Variants in PRSS12 observed in about 807,000 individuals in gnomAD.
PRSS12 encodes the protein serine protease 12.
Under a neutral mutation model 104.4 loss-of-function variants are expected in PRSS12, and 85 were observed. The ratio of observed to expected loss-of-function variants is 0.81; its 90% confidence interval spans 0.68 to 0.98. The LOEUF is 0.98. Among genes scored for constraint, PRSS12 ranks in the 50% least tolerant of loss-of-function variants. PRSS12 has a pLI of 0.00. For synonymous variants in PRSS12, 454 were observed against 425.2 expected, an observed-to-expected ratio of 1.07 and a Z score of -0.83; for missense variants, 1,141 against 1,139.2, an observed-to-expected ratio of 1.00 and a Z score of -0.02.
intron 10 of PRSS12, among the ~76,000 whole-genome samples, chr4:118,295,501 TACAC>T (rs968447179): frequency 6.6e-6 from 1 of 152,222 alleles, no homozygotes; most frequent in African/African-American, 2.4e-5. Context: ...TCTTTGTAGT[TACAC>T]ACACTTCCAG....
Position 118,338,207 on chromosome 4 carries a change from C to A in PRSS12, c.610G>T (p.Ala204Ser), listed in dbSNP as rs528131664. Residue 204 changes from alanine to serine, a missense_variant, in exon 2 of 13, where the codon GCA (alanine) becomes TCA (serine). Coordinates refer to ENST00000296498, the MANE Select transcript of PRSS12 (RefSeq NM_003619.4). ...VCSSHWDDSD[A>S]SVICHQLQLG... ...TGCAGCTGGTGACAAATGACTGATG[C>A]ATCAGAATCATCCCAGTGGCTGCTA... 1.9e-6 allele frequency: 3 copies of A among 1,614,026 alleles called. No individual in the cohort carries two copies. Among genetic ancestry groups the A allele is most frequent in the South Asian group, 2.2e-5 (2 of 91,084 alleles).
chr4:118,296,597 T>A (rs560672717), intron 9 of PRSS12, among the ~76,000 whole-genome samples: 10 of 152,322 alleles, frequency 6.6e-5, no homozygotes, highest in Middle Eastern at 3.4e-3. Context: ...TAAATATATG[T>A]GTATAAAGTA....
chr4:118,313,026 G>T, intron 7 of PRSS12, 175 bp downstream of exon 7: 1 of 710,906 alleles, frequency 1.4e-6, no homozygotes, highest in Non-Finnish European at 2.3e-6. Context: ...TAATGTTGGC[G>T]CACAGACTCA....
rs755649728 is a variant in PRSS12 at position 118,281,396 on chromosome 4, C to A, written c.*540G>T. 3.6e-5 allele frequency: 6 copies of A among 165,706 alleles called. No homozygotes were observed. In the East Asian group the frequency reaches 6.4e-4, roughly 18 times the overall value. The allele number at this position is 165,706 out of a possible 1,614,324, so 10.3% of individuals were successfully genotyped here. A position where few individuals can be genotyped will look rare whatever the true frequency, so the allele number is the denominator to read the frequency against. On this transcript the variant is annotated 3_prime_UTR_variant, in exon 13 of 13. Transcript: ENST00000296498. Reference sequence around the variant, plus strand: ...CAGATGTCCTTGAGGCTTTACTACTCCTATTCAGGCCTAAAAGTTTATAGT... The same window carrying A: ...CAGATGTCCTTGAGGCTTTACTACTACTATTCAGGCCTAAAAGTTTATAGT...
At chr4:118,336,053 T>A (rs1724057225) in intron 2 of PRSS12, among the ~76,000 whole-genome samples, 2 of 152,202 alleles carry the variant, frequency 1.3e-5, no homozygotes, top group African/African-American at 2.4e-5. Flanking sequence ...GAAGGCTTTG[T>A]CTTCTAATGT....
intron 1 of PRSS12, among the ~76,000 whole-genome samples, chr4:118,340,443 T>C (rs1724171476): frequency 6.6e-6 from 1 of 152,162 alleles, no homozygotes; most frequent in Non-Finnish European, 1.5e-5. Flanking sequence ...CCTAACAGTG[T>C]CCTCCACATG....
chr4:118,345,172 G>C (rs910377114), intron 1 of PRSS12, among the ~76,000 whole-genome samples: 2 of 152,182 alleles, frequency 1.3e-5, no homozygotes, highest in African/African-American at 4.8e-5. Context: ...TCCTTACCCT[G>C]TTAGAAGAAC....
chr4:118,309,897 T>A (rs1011465300), intron 7 of PRSS12, among the ~76,000 whole-genome samples: 2 of 152,238 alleles, frequency 1.3e-5, no homozygotes, highest in African/African-American at 4.8e-5. Context: ...CTGACCCATT[T>A]TTTACTTCTC....
At chr4:118,346,004 G>A (rs1461329483) in intron 1 of PRSS12, among the ~76,000 whole-genome samples, 2 of 152,144 alleles carry the variant, frequency 1.3e-5, no homozygotes, top group Non-Finnish European at 2.9e-5. Context: ...ATCCAGTCTG[G>A]GCAAATGAAA....
chr4:118,316,419 G>A, intron 5 of PRSS12, 96 bp from the exon 6 acceptor site: 1 of 1,494,386 alleles, frequency 6.7e-7, no homozygotes, highest in Non-Finnish European at 9.2e-7. Flanking sequence ...CCATATTCAG[G>A]CCTCACTCTA....
Position 118,335,472 on chromosome 4 carries a change from C to T in PRSS12, c.820+1G>A. On this transcript the variant is annotated splice_donor_variant, in intron 3 of 12. Transcript: ENST00000296498. LOFTEE classifies it high-confidence loss of function. ...CAACAGAACTTTTTTCTTTTTTTTA[C>T]CATGGGAAAAGCTACACGTGACAGC... 1 of 1,611,234 alleles carries T rather than the reference C, an allele frequency of 6.2e-7. No homozygotes were observed. The highest frequency in any genetic ancestry group is 1.3e-5 in the African/African-American group (1 of 74,686).
At chr4:118,308,381 T>TA in intron 8 of PRSS12, 55 bp downstream of exon 8, 1 of 1,609,314 alleles carries the variant, frequency 6.2e-7, no homozygotes, top group South Asian at 1.1e-5. Flanking sequence ...ATTAAGCATT[T>TA]AAAAATTCAG....
At chr4:118,308,209 T>C (rs1175321959) in intron 8 of PRSS12, among the ~76,000 whole-genome samples, 1 of 152,210 alleles carries the variant, frequency 6.6e-6, no homozygotes, top group Non-Finnish European at 1.5e-5. Context: ...TGTTATTAGA[T>C]AAAAAGCTAC....
intron 8 of PRSS12, among the ~76,000 whole-genome samples, chr4:118,302,823 T>C (rs1262168545): frequency 3.3e-5 from 5 of 152,212 alleles, no homozygotes; most frequent in Non-Finnish European, 7.3e-5. Context: ...GTCTCTCCTT[T>C]TTCTTAGGCA....
chr4:118,296,253 C>G (rs1743252255), intron 9 of PRSS12, among the ~76,000 whole-genome samples: 1 of 152,176 alleles, frequency 6.6e-6, no homozygotes, highest in South Asian at 2.1e-4. Flanking sequence ...TTTCCACATG[C>G]AAGACTGTTC....
chr4:118,297,687 A>C (rs1338907622), intron 9 of PRSS12, among the ~76,000 whole-genome samples: 3 of 152,162 alleles, frequency 2.0e-5, no homozygotes, highest in Admixed American at 6.5e-5. Context: ...GAAAAAGAGA[A>C]TCCTCAAAAT....
intron 11 of PRSS12, among the ~76,000 whole-genome samples, chr4:118,288,142 C>A (rs1355433619): frequency 6.6e-6 from 1 of 152,166 alleles, no homozygotes; most frequent in Non-Finnish European, 1.5e-5. Context: ...TACATCAGGC[C>A]ATGCACATCT....
Position 118,323,018 on chromosome 4 carries a change from G to A in PRSS12, c.972-4462C>T, listed in dbSNP as rs1011764348. On this transcript the variant is annotated intron_variant, in intron 4 of 12. Transcript: ENST00000296498. Reference sequence around the variant, plus strand: ...AAGTTTTATTGGAATGATGCCACACGAATTCCTAAGTTATTGTCTATGGCT... The same window carrying A: ...AAGTTTTATTGGAATGATGCCACACAAATTCCTAAGTTATTGTCTATGGCT... Among the ~76,000 whole-genome samples the A allele has an allele frequency of 1.2e-4, 19 of 152,188 alleles. 1 individual carries two copies. In the South Asian group the frequency reaches 2.3e-3, roughly 18 times the overall value.
intron 7 of PRSS12, among the ~76,000 whole-genome samples, chr4:118,311,826 A>G (rs1219138133): frequency 2.0e-5 from 3 of 152,194 alleles, no homozygotes; most frequent in African/African-American, 7.2e-5. Flanking sequence ...GTTTAACAAC[A>G]CAGGCCTACA....
Sources: gnomAD v4.1 joint callset for allele counts (sites outside exome capture counted in the v4.1 genomes callset) on GRCh38, gnomAD v4.1.1 for gene constraint, MANE v1.5 for transcripts, NCBI Gene and HGNC (gene_info 2026-07-23, HGNC 2026-07-21) for gene names.